Variants in RAB31 observed in about 807,000 individuals in gnomAD.
The protein encoded by RAB31 is RAB31, member RAS oncogene family.
A neutral mutation model predicts 25.6 loss-of-function variants in RAB31; 21 were observed. The observed-to-expected ratio is 0.82, with a 90% CI of 0.58 to 1.18. The LOEUF (loss-of-function observed/expected upper bound fraction) is 1.18. RAB31 is among the 50% of genes most tolerant of loss of function. The probability of loss-of-function intolerance (pLI) is 0.00; values close to 1 mark genes in which losing one functional copy is unlikely to be tolerated. For missense variants in RAB31, 196 were observed against 250.1 expected (o/e 0.78, Z 1.46); for synonymous variants, 87 against 84.0 (o/e 1.04, Z -0.20).
chr18:9,772,504 G>C (rs1257181386), intron 1 of RAB31, among the ~76,000 whole-genome samples: 1 of 152,176 alleles, frequency 6.6e-6, no homozygotes, highest in Non-Finnish European at 1.5e-5. Context: ...GGCCAGGGAG[G>C]GTGGAATGGT....
intron 1 of RAB31, among the ~76,000 whole-genome samples, chr18:9,761,875 T>A (rs1205938816): frequency 6.6e-6 from 1 of 152,228 alleles, no homozygotes; most frequent in Non-Finnish European, 1.5e-5. Context: ...TGGTGTGATC[T>A]TGGCTCACTG....
chr18:9,769,127 G>A (rs946253802), intron 1 of RAB31, among the ~76,000 whole-genome samples: 41 of 152,170 alleles, frequency 2.7e-4, no homozygotes, highest in African/African-American at 8.4e-4. Flanking sequence ...GTCAGGTAGC[G>A]TGATGCCTCC....
At chr18:9,754,659 A>T (rs1035701316) in intron 1 of RAB31, among the ~76,000 whole-genome samples, 1 of 152,220 alleles carries the variant, frequency 6.6e-6, no homozygotes, top group African/African-American at 2.4e-5. Context: ...TATAGGTATT[A>T]TAAGTAATCT....
At chr18:9,850,236 C>G (rs2068782353) in intron 6 of RAB31, among the ~76,000 whole-genome samples, 1 of 152,100 alleles carries the variant, frequency 6.6e-6, no homozygotes, top group South Asian at 2.1e-4. Context: ...GGTTATGAGC[C>G]TAGCATATAG....
chr18:9,799,060 G>A (rs187055642), intron 3 of RAB31, among the ~76,000 whole-genome samples: 2 of 152,266 alleles, frequency 1.3e-5, no homozygotes, highest in East Asian at 1.9e-4. Context: ...CCCCAATCTG[G>A]GTGAAAGAGC....
At chr18:9,725,751 A>G (rs996918810) in intron 1 of RAB31, among the ~76,000 whole-genome samples, 4 of 152,248 alleles carry the variant, frequency 2.6e-5, no homozygotes, top group East Asian at 3.8e-4. Flanking sequence ...GCAAATTCCC[A>G]CAATGTTAGG....
At chr18:9,750,410 C>T (rs561518489) in intron 1 of RAB31, among the ~76,000 whole-genome samples, 16 of 152,282 alleles carry the variant, frequency 1.1e-4, no homozygotes, top group East Asian at 3.9e-4. Context: ...AAAGGACATT[C>T]GTCTAGAAGG....
At chr18:9,831,511 G>A (rs906745167) in intron 5 of RAB31, among the ~76,000 whole-genome samples, 1 of 152,230 alleles carries the variant, frequency 6.6e-6, no homozygotes, top group Non-Finnish European at 1.5e-5. Flanking sequence ...GCAGTAGACA[G>A]CTTCTTTGTA....
chr18:9,732,384 G>A (rs2068127998), intron 1 of RAB31, among the ~76,000 whole-genome samples: 1 of 152,226 alleles, frequency 6.6e-6, no homozygotes, highest in South Asian at 2.1e-4. Flanking sequence ...GGGCAGGGCT[G>A]TAGCCAGGTG....
In RAB31 at chr18:9,792,191, G is replaced by T; in HGVS notation, c.157G>T (p.Glu53Ter). 2 of 1,612,532 alleles carry T rather than the reference G, an allele frequency of 1.2e-6. No homozygotes were observed. The highest frequency in any genetic ancestry group is 2.2e-5 in the South Asian group (2 of 90,562). ...GACCAAAACTGTGCCTTGTGGAAAT[G>T]AACTTCACAAGTTCCTCATCTGGGA... ...FMTKTVPCGN[E>*]LHKFLIWDTA... The change falls in exon 3 of 7, where the codon GAA becomes TAA. Residue 53 changes from glutamate to a stop codon, truncating the protein, a stop_gained. Coordinates refer to ENST00000578921, the MANE Select transcript of RAB31 (RefSeq NM_006868.4). LOFTEE classifies it high-confidence loss of function.
At chr18:9,824,541 C>A (rs1374956711) in intron 5 of RAB31, among the ~76,000 whole-genome samples, 1 of 152,092 alleles carries the variant, frequency 6.6e-6, no homozygotes, top group Non-Finnish European at 1.5e-5. Flanking sequence ...AGGAGCTCTG[C>A]CTGGCCTATT....
chr18:9,761,319 A>G (rs562162787), intron 1 of RAB31, among the ~76,000 whole-genome samples: 1 of 152,296 alleles, frequency 6.6e-6, no homozygotes, highest in South Asian at 2.1e-4. Flanking sequence ...TTAAACCTTA[A>G]TGTCCTGATT....
rs749605894 is a variant in RAB31 at position 9,859,348 on chromosome 18, A to G, written c.*23A>G. 6.3e-7 allele frequency: 1 copy of G among 1,584,420 alleles called. No homozygotes were observed. Among genetic ancestry groups the G allele is most frequent in the African/African-American group, 1.3e-5 (1 of 74,122 alleles). ...TGACCCAAGGGCCGTGGTCCACGGT[A>G]CTTGAAGAAGCCAGAGCCCACATCC... On this transcript the variant is annotated 3_prime_UTR_variant, in exon 7 of 7. Transcript: ENST00000578921.
chr18:9,798,664 G>C (rs931549347), intron 3 of RAB31, among the ~76,000 whole-genome samples: 1 of 151,708 alleles, frequency 6.6e-6, no homozygotes, highest in Admixed American at 6.6e-5. Context: ...TGTCAGCCAG[G>C]CTGGAGTGCA....
intron 2 of RAB31, among the ~76,000 whole-genome samples, chr18:9,785,991 C>G (rs2068430079): frequency 6.6e-6 from 1 of 151,990 alleles, no homozygotes; most frequent in Non-Finnish European, 1.5e-5. Flanking sequence ...AACCCAGTTG[C>G]AGTGAGCTGA....
At chr18:9,829,905 C>T (rs954390474) in intron 5 of RAB31, among the ~76,000 whole-genome samples, 1 of 151,934 alleles carries the variant, frequency 6.6e-6, no homozygotes, top group Non-Finnish European at 1.5e-5. Flanking sequence ...AAAATATATA[C>T]TTGATGCTAT....
chr18:9,788,867 G>C (rs2068446227), intron 2 of RAB31, among the ~76,000 whole-genome samples: 1 of 152,224 alleles, frequency 6.6e-6, no homozygotes, highest in Admixed American at 6.5e-5. Context: ...CTACTTGGGA[G>C]GCTGGGGCAG....
rs533386853 is a variant in RAB31 at position 9,811,853 on chromosome 18, AAAT to A, written c.202-2164_202-2162del. ...GTATGTCAAAGATCTCTTTTCCTAT[AAAT>A]AAAAATCATCATTTTAATGGCTATA... On this transcript the variant is annotated intron_variant, in intron 3 of 6. Transcript: ENST00000578921. Among the ~76,000 whole-genome samples the A allele has an allele frequency of 2.0e-4, 31 of 152,374 alleles. No individual in the cohort carries two copies. The South Asian group carries it at 5.6e-3, about 27-fold the overall frequency.
rs567300779 is a variant in RAB31, at chr18:9,777,337, A to G, written c.119+1980A>G. 7.4e-4 allele frequency among the ~76,000 whole-genome samples: 112 copies of G among 152,344 alleles called. 2 individuals carry two copies. The highest frequency in any genetic ancestry group is 5.0e-3 in the East Asian group (26 of 5,178). On this transcript the variant is annotated intron_variant, in intron 2 of 6. Coordinates refer to ENST00000578921, the MANE Select transcript of RAB31 (RefSeq NM_006868.4). ...GAGACTTCATCTCAAATAAGTAAAT[A>G]GATAAATAAATAAATCCAAAATTCA...
Sources: allele counts gnomAD v4.1 joint callset (sites outside exome capture counted in the v4.1 genomes callset), GRCh38; gene constraint gnomAD v4.1.1; transcripts MANE v1.5; gene names NCBI Gene and HGNC (gene_info 2026-07-23, HGNC 2026-07-21).